GATAD2A: variants seen among roughly 807,000 people sequenced by gnomAD.
The protein encoded by GATAD2A is GATA zinc finger domain containing 2A.
Under a neutral mutation model 68.5 loss-of-function variants are expected in GATAD2A, and 12 were observed. The ratio of observed to expected loss-of-function variants is 0.18; its 90% CI spans 0.11 to 0.28. GATAD2A has a LOEUF of 0.28. Ranked by LOEUF, GATAD2A falls within the 10% of genes least tolerant of loss-of-function variation. The pLI, the probability that GATAD2A is intolerant of heterozygous loss-of-function variation, is 1.00. For synonymous variants in GATAD2A, 410 were observed against 375.3 expected, an observed-to-expected ratio of 1.09 and a Z score of -1.07; for missense variants, 755 against 868.5, an observed-to-expected ratio of 0.87 and a Z score of 1.64.
chr19:19,482,525 C>CAGGAGCTCAGGTGCTGT (rs1399056864), intron 2 of GATAD2A, among the ~76,000 whole-genome samples: 4 of 152,176 alleles, frequency 2.6e-5, no homozygotes, highest in African/African-American at 9.7e-5. Context: ...GGGGTCCACA[C>CAGGAGCTCAGGTGCTGT]AGGAGCTCAG....
intron 1 of GATAD2A, among the ~76,000 whole-genome samples, chr19:19,452,278 T>A (rs2056473274): frequency 6.6e-6 from 1 of 152,160 alleles, no homozygotes; most frequent in Admixed American, 6.5e-5. Context: ...GCCCTTGGCT[T>A]CCCTGGATCC....
chr19:19,449,067 C>T (rs374831031), intron 1 of GATAD2A, among the ~76,000 whole-genome samples: 9 of 152,284 alleles, frequency 5.9e-5, no homozygotes, highest in African/African-American at 1.9e-4. Context: ...ATCCCTACAC[C>T]ATCTTCCCTG....
intron 1 of GATAD2A, among the ~76,000 whole-genome samples, chr19:19,407,999 TTTTG>T (rs749620134): frequency 1.2e-4 from 18 of 152,138 alleles, no homozygotes; most frequent in Non-Finnish European, 1.6e-4. Flanking sequence ...ATGCAGTGTG[TTTTG>T]TTTGTTTGTT....
At chr19:19,473,991 C>T (rs1389368212) in intron 2 of GATAD2A, 21 of 978,118 alleles carry the variant, frequency 2.1e-5, no homozygotes. Flanking sequence ...CTTCCAAAAC[C>T]AAAAACAAAT....
At position 19,498,627 on chromosome 19, in the gene GATAD2A, C is replaced by T. The variant is rs371284522; in HGVS notation, c.1109C>T (p.Ala370Val). Residue 370 changes from alanine (A) to valine (V), a missense_variant, in exon 8 of 12, where the codon GCC (alanine) becomes GTC (valine). Ala to Val is a moderately conservative substitution (Grantham distance 64, BLOSUM62 0). Coordinates refer to ENST00000683918, the MANE Select transcript of GATAD2A (RefSeq NM_001384528.1). Reference protein sequence around the residue: ...LLEIPPPKPPAPEMNFLPSAA... With the variant: ...LLEIPPPKPPVPEMNFLPSAA... ...GAGATCCCCCCACCCAAGCCCCCAG[C>T]CCCAGAGATGAACTTCCTGCCCAGC... The T allele has an allele frequency of 6.8e-6, 11 of 1,613,566 alleles. No homozygotes were observed. Among genetic ancestry groups the T allele is most frequent in the Admixed American group, 1.7e-5 (1 of 60,006 alleles).
chr19:19,393,197 G>A (rs904251615), intron 1 of GATAD2A, among the ~76,000 whole-genome samples: 2 of 152,108 alleles, frequency 1.3e-5, no homozygotes. Flanking sequence ...CAGCTACTCG[G>A]GAGGCTGAGG....
At chr19:19,481,092 C>T (rs1232949365) in intron 2 of GATAD2A, among the ~76,000 whole-genome samples, 1 of 152,178 alleles carries the variant, frequency 6.6e-6, no homozygotes, top group Non-Finnish European at 1.5e-5. Flanking sequence ...TTCCTCCACC[C>T]TGCTTGAGGA....
At chr19:19,392,927 C>T (rs1320339865) in intron 1 of GATAD2A, among the ~76,000 whole-genome samples, 1 of 152,046 alleles carries the variant, frequency 6.6e-6, no homozygotes, top group African/African-American at 2.4e-5. Context: ...GAACTCCTGA[C>T]CTTATGAACT....
chr19:19,421,562 T>C (rs2052418804), intron 1 of GATAD2A, among the ~76,000 whole-genome samples: 1 of 152,094 alleles, frequency 6.6e-6, no homozygotes, highest in South Asian at 2.1e-4. Flanking sequence ...CGGCTTAGAA[T>C]TGTGGAGGGT....
At chr19:19,489,853 G>A (rs1486440559) in intron 2 of GATAD2A, among the ~76,000 whole-genome samples, 1 of 152,206 alleles carries the variant, frequency 6.6e-6, no homozygotes, top group African/African-American at 2.4e-5. Flanking sequence ...CACTTTGGAG[G>A]CCACCTGGGT....
At chr19:19,406,740 GA>G (rs1273603728) in intron 1 of GATAD2A, among the ~76,000 whole-genome samples, 1 of 152,198 alleles carries the variant, frequency 6.6e-6, no homozygotes, top group Non-Finnish European at 1.5e-5. Flanking sequence ...TTATTGCCAA[GA>G]ATCGGAATTG....
intron 1 of GATAD2A, among the ~76,000 whole-genome samples, chr19:19,414,694 G>T (rs1451590847): frequency 6.8e-6 from 1 of 147,962 alleles, no homozygotes; most frequent in African/African-American, 2.5e-5. Flanking sequence ...ACGCCACCAC[G>T]CCCAGCTCTT....
chr19:19,500,197 G>T (rs773034312), intron 8 of GATAD2A, among the ~76,000 whole-genome samples: 20 of 152,156 alleles, frequency 1.3e-4, no homozygotes, highest in Non-Finnish European at 2.8e-4. Context: ...CCCCAGCCTC[G>T]CACCATGTCT....
At chr19:19,466,720 T>C (rs117574369) in intron 2 of GATAD2A, among the ~76,000 whole-genome samples, 2 of 152,376 alleles carry the variant, frequency 1.3e-5, no homozygotes, top group East Asian at 3.9e-4. Context: ...AAATATACTT[T>C]GTAGTCCTGC....
chr19:19,441,390 A>G (rs960776840), intron 1 of GATAD2A, among the ~76,000 whole-genome samples: 1 of 151,130 alleles, frequency 6.6e-6, no homozygotes, highest in Non-Finnish European at 1.5e-5. Flanking sequence ...TAGCTTTTTT[A>G]TTTTTATTTT....
At chr19:19,427,831 A>G (rs1869212598) in intron 1 of GATAD2A, 1 of 151,832 alleles carries the variant, frequency 6.6e-6, no homozygotes, top group Non-Finnish European at 1.5e-5. Context: ...GCGTCACCAC[A>G]CCCAGCTAAT....
At chr19:19,413,738 C>G (rs1327285760) in intron 1 of GATAD2A, among the ~76,000 whole-genome samples, 1 of 152,132 alleles carries the variant, frequency 6.6e-6, no homozygotes, top group African/African-American at 2.4e-5. Flanking sequence ...ACACCCATAA[C>G]TTTGCCTGGC....
rs1340787058 is a variant in GATAD2A, at chr19:19,505,961, A to G, written c.*487A>G. 13 of 398,396 alleles carry G rather than the reference A, an allele frequency of 3.3e-5. No individual in the cohort carries two copies. Among genetic ancestry groups the G allele is most frequent in the Non-Finnish European group, 4.4e-5 (10 of 226,174 alleles). The allele number at this position is 398,396 out of a possible 1,614,324, so 24.7% of individuals were successfully genotyped here. ...TTTGACTGCCTTCCCATGGCGATCT[A>G]TAAGTTGAAAGATTTTTTTTTTTTT... is the stretch of plus-strand genomic sequence containing the variant. On this transcript the variant is annotated 3_prime_UTR_variant, in exon 12 of 12. Transcript: ENST00000683918.
intron 1 of GATAD2A, among the ~76,000 whole-genome samples, chr19:19,424,625 G>A (rs1359149641): frequency 6.6e-6 from 1 of 151,326 alleles, no homozygotes; most frequent in East Asian, 2.0e-4. Context: ...CTCCTGCCTC[G>A]GCCTCCCAAA....
Sources: gnomAD v4.1 joint callset for allele counts (sites outside exome capture counted in the v4.1 genomes callset) on GRCh38, gnomAD v4.1.1 for gene constraint, MANE v1.5 for transcripts, NCBI Gene and HGNC (gene_info 2026-07-23, HGNC 2026-07-21) for gene names.